Variants in TRAPPC9 observed in about 807,000 individuals in gnomAD.
The protein encoded by TRAPPC9 is trafficking protein particle complex subunit 9.
In TRAPPC9, 83 loss-of-function variants were observed where a neutral mutation model predicts 124.0. The observed-to-expected ratio is 0.67, with a 90% CI of 0.56 to 0.80. TRAPPC9 has a LOEUF of 0.80. Among genes scored for constraint, TRAPPC9 ranks in the 30% least tolerant of loss-of-function variants. The probability of loss-of-function intolerance (pLI) is 0.00; values close to 1 mark genes in which losing one functional copy is unlikely to be tolerated. For synonymous variants in TRAPPC9, 638 were observed against 617.5 expected, an observed-to-expected ratio of 1.03 and a Z score of -0.49; for missense variants, 1,302 against 1,508.3, an observed-to-expected ratio of 0.86 and a Z score of 2.27.
intron 17 of TRAPPC9, among the ~76,000 whole-genome samples, chr8:140,136,985 G>A (rs988424960): frequency 2.6e-5 from 4 of 152,002 alleles, no homozygotes; most frequent in Non-Finnish European, 5.9e-5. Context: ...GAAGGAGGAG[G>A]GACAAAAATG....
At chr8:139,890,494 C>T (rs1830271823) in intron 20 of TRAPPC9, among the ~76,000 whole-genome samples, 1 of 152,244 alleles carries the variant, frequency 6.6e-6, no homozygotes, top group South Asian at 2.1e-4. Context: ...TAGGCATCTC[C>T]TGGGAGGACC....
Position 140,355,288 on chromosome 8 carries a change from G to A in TRAPPC9, c.1495+4762C>T, listed in dbSNP as rs10111305. The stretch of plus-strand genomic sequence containing the variant: ...GCCCATATGGAAGCATAGTGATTTC[G>A]TTCTCTGTTTTCTCACTGGGAACTA... On this transcript the variant is annotated intron_variant, in intron 9 of 22. Coordinates refer to ENST00000438773, the MANE Select transcript of TRAPPC9 (RefSeq NM_001160372.4). Among the ~76,000 whole-genome samples, 572 of 152,258 alleles carry A rather than the reference G, an allele frequency of 3.8e-3. 5 individuals carry two copies. The highest frequency in any genetic ancestry group is 0.013 in the African/African-American group (538 of 41,542).
chr8:139,968,721 G>C (rs936043730), intron 19 of TRAPPC9, among the ~76,000 whole-genome samples: 1 of 152,172 alleles, frequency 6.6e-6, no homozygotes, highest in Non-Finnish European at 1.5e-5. Flanking sequence ...CACTACACCA[G>C]GTGCACAAGA....
At chr8:140,138,537 C>A (rs1220880215) in intron 17 of TRAPPC9, among the ~76,000 whole-genome samples, 1 of 152,110 alleles carries the variant, frequency 6.6e-6, no homozygotes, top group Admixed American at 6.5e-5. Context: ...CTGCATCCCC[C>A]GGTCCCTCTA....
chr8:139,858,244 G>T (rs1420751330), intron 21 of TRAPPC9, among the ~76,000 whole-genome samples: 1 of 152,242 alleles, frequency 6.6e-6, no homozygotes, highest in East Asian at 1.9e-4. Context: ...AGTTTTGGCT[G>T]CTTTTTCCTG....
intron 9 of TRAPPC9, among the ~76,000 whole-genome samples, chr8:140,358,308 T>C (rs1015426338): frequency 6.6e-6 from 1 of 152,152 alleles, no homozygotes; most frequent in East Asian, 1.9e-4. Context: ...TGGGTTCAAG[T>C]TATTCTCCTG....
Position 140,451,206 on chromosome 8 carries a change from G to C in TRAPPC9, c.168C>G (p.Arg56=), listed in dbSNP as rs759855499. The C allele has an allele frequency of 1.9e-6, 3 of 1,614,192 alleles. No individual in the cohort carries two copies. Among genetic ancestry groups the C allele is most frequent in the Admixed American group, 1.7e-5 (1 of 60,022 alleles). Residue 56 remains arginine (R), a synonymous_variant, in exon 2 of 23, where the codon CGC becomes CGG. Coordinates refer to ENST00000438773, the MANE Select transcript of TRAPPC9 (RefSeq NM_001160372.4). The part of the protein sequence containing the change: ...VRDSQRVLYI[R]YRHHYPPENN... ...TCTCGGGTGGGTAGTGGTGCCTGTAGCGGATGTAGAGGACTCGCTGGGAGT... is the reference window on the plus strand; with the variant it reads ...TCTCGGGTGGGTAGTGGTGCCTGTACCGGATGTAGAGGACTCGCTGGGAGT...
At chr8:139,839,887 T>C (rs1474448750) in intron 21 of TRAPPC9, among the ~76,000 whole-genome samples, 1 of 152,230 alleles carries the variant, frequency 6.6e-6, no homozygotes, top group Non-Finnish European at 1.5e-5. Context: ...CCCTTCCGGA[T>C]GCCTGCTTTC....
At chr8:140,027,116 A>AT (rs1397691032) in intron 17 of TRAPPC9, among the ~76,000 whole-genome samples, 2 of 152,078 alleles carry the variant, frequency 1.3e-5, no homozygotes, top group East Asian at 3.9e-4. Flanking sequence ...TGTTTGATCT[A>AT]TTTTTTCATT....
At position 139,974,119 on chromosome 8, in the gene TRAPPC9, AG is replaced by A. The variant is rs543128588; in HGVS notation, c.2810+14606del. On this transcript the variant is annotated intron_variant, in intron 19 of 22. Transcript: ENST00000438773. ...AAGGAGTTTGAGATTACTCAGGCTC[AG>A]GTTTCTCTCCTGTGCCTGCCACGGT... is the stretch of plus-strand genomic sequence containing the variant. 2.4e-4 allele frequency among the ~76,000 whole-genome samples: 36 copies of A among 152,322 alleles called. No homozygotes were observed. In the East Asian group the frequency reaches 2.7e-3, roughly 11 times the overall value.
At chr8:140,044,463 A>G (rs909419139) in intron 17 of TRAPPC9, among the ~76,000 whole-genome samples, 1 of 152,170 alleles carries the variant, frequency 6.6e-6, no homozygotes, top group Non-Finnish European at 1.5e-5. Flanking sequence ...ATTTGGTTCC[A>G]TACGTGCCCA....
chr8:139,786,064 T>C (rs1432291394), intron 21 of TRAPPC9, among the ~76,000 whole-genome samples: 2 of 152,002 alleles, frequency 1.3e-5, no homozygotes, highest in Non-Finnish European at 2.9e-5. Context: ...AAAAATTAGC[T>C]GGGTGTGGTG....
chr8:140,404,906 A>ATGTGTGTGTG (rs1312577613), intron 6 of TRAPPC9, among the ~76,000 whole-genome samples: 10 of 59,644 alleles, frequency 1.7e-4, no homozygotes, highest in East Asian at 2.8e-3. Flanking sequence ...GTGTGTGAGC[A>ATGTGTGTGTG]TGCGTGTGTG....
At chr8:140,229,528 A>G (rs1163187540) in intron 16 of TRAPPC9, among the ~76,000 whole-genome samples, 2 of 151,556 alleles carry the variant, frequency 1.3e-5, no homozygotes, top group Non-Finnish European at 2.9e-5. Context: ...TCGGCCTCCC[A>G]AAGTGCTGGA....
chr8:140,117,970 T>A (rs1312781033), intron 17 of TRAPPC9, among the ~76,000 whole-genome samples: 1 of 152,236 alleles, frequency 6.6e-6, no homozygotes, highest in Non-Finnish European at 1.5e-5. Context: ...CTCTCATGAC[T>A]GAACTATACC....
chr8:139,924,793 T>C (rs755634195), intron 19 of TRAPPC9, among the ~76,000 whole-genome samples: 7 of 152,248 alleles, frequency 4.6e-5, no homozygotes, highest in Non-Finnish European at 8.8e-5. Context: ...CCTTCGCTCC[T>C]GGACCGTGAA....
At chr8:139,894,088 T>C (rs1830515817) in intron 20 of TRAPPC9, among the ~76,000 whole-genome samples, 1 of 152,356 alleles carries the variant, frequency 6.6e-6, no homozygotes, top group South Asian at 2.1e-4. Flanking sequence ...ACACCAGCCC[T>C]GCGTGCTGTG....
chr8:140,093,003 C>G (rs544242341), intron 17 of TRAPPC9, among the ~76,000 whole-genome samples: 1 of 151,228 alleles, frequency 6.6e-6, no homozygotes, highest in African/African-American at 2.4e-5. Flanking sequence ...GTACTTAGCA[C>G]ATGGCCTAAT....
At chr8:140,268,380 G>T (rs1398935153) in intron 15 of TRAPPC9, among the ~76,000 whole-genome samples, 2 of 152,114 alleles carry the variant, frequency 1.3e-5, no homozygotes, top group Non-Finnish European at 2.9e-5. Context: ...AAAGTGACAG[G>T]AATTACTCCC....
Sources: allele counts gnomAD v4.1 joint callset (sites outside exome capture counted in the v4.1 genomes callset), GRCh38; gene constraint gnomAD v4.1.1; transcripts MANE v1.5; gene names NCBI Gene and HGNC (gene_info 2026-07-23, HGNC 2026-07-21).